The following ITGA4 variants were observed in gnomAD, a reference collection of about 807,000 sequenced individuals.
The protein encoded by ITGA4 is integrin alpha-4.
Under a neutral mutation model 133.6 loss-of-function variants are expected in ITGA4, and 63 were observed. That is an observed-to-expected ratio of 0.47 (90% CI 0.38 to 0.58). The LOEUF is 0.58. Ranked by LOEUF, ITGA4 falls within the 20% of genes least tolerant of loss-of-function variation. The pLI is 0.00. For missense variants in ITGA4, 1,076 were observed against 1,252.7 expected (o/e 0.86, Z 2.13); for synonymous variants, 483 against 438.0 (o/e 1.10, Z -1.28).
In ITGA4 at chr2:181,509,729, T is replaced by TAA; in HGVS notation, c.1769_1770dup (p.Arg591AsnfsTer22). On this transcript the variant is annotated frameshift_variant, in exon 16 of 28. Coordinates refer to ENST00000397033, the MANE Select transcript of ITGA4 (RefSeq NM_000885.6). LOFTEE classifies it high-confidence loss of function. ...ACCACCTTGGTCCTCATGTCATCAG[T>TAA]AAACGAAGTACAGAGGAATTCCCAC... is the stretch of plus-strand genomic sequence containing the variant. 6.2e-7 allele frequency: 1 copy of TAA among 1,611,748 alleles called. No homozygotes were observed. Among genetic ancestry groups the TAA allele is most frequent in the Non-Finnish European group, 8.5e-7 (1 of 1,178,488 alleles).
chr2:181,530,510 TTC>T lies in ITGA4; in HGVS notation c.2539-12_2539-11del, dbSNP rs1346077144. 6.2e-7 allele frequency: 1 copy of T among 1,602,088 alleles called. No individual in the cohort carries two copies. On this transcript the variant is annotated splice_polypyrimidine_tract_variant and intron_variant, in intron 23 of 27. Coordinates refer to ENST00000397033, the MANE Select transcript of ITGA4 (RefSeq NM_000885.6). The stretch of plus-strand genomic sequence containing the variant: ...GTTGAAAGATAAGATTTCTCTTGCT[TTC>T]TGTCTTCATAGACTACTACTGGAGA...
rs1488521854 is a variant in ITGA4, at chr2:181,535,611, G to T, written c.*84G>T. ...AAAGACACTGTTTACAAGAAAAAAT[G>T]AATTTTGTTTGGACTTCTTTTACTC... On this transcript the variant is annotated 3_prime_UTR_variant, in exon 28 of 28. Transcript: ENST00000397033. The T allele has an allele frequency of 6.8e-7, 1 of 1,477,054 alleles. No homozygotes were observed. Among genetic ancestry groups the T allele is most frequent in the East Asian group, 2.3e-5 (1 of 42,766 alleles). 91.5% of individuals were successfully genotyped at this position (1,477,054 alleles called of 1,614,324 possible). A position where few individuals can be genotyped will look rare whatever the true frequency, so the allele number is the denominator to read the frequency against.
intron 2 of ITGA4, chr2:181,458,705 A>C: frequency 4.7e-6 from 1 of 212,590 alleles, no homozygotes; most frequent in Non-Finnish European, 9.8e-6. Context: ...AACCCTCTTA[A>C]AGAACAGGCT....
chr2:181,487,562 T>G (rs1347637872), intron 10 of ITGA4, among the ~76,000 whole-genome samples: 4 of 152,184 alleles, frequency 2.6e-5, no homozygotes, highest in Non-Finnish European at 5.9e-5. Flanking sequence ...AAGTGTGCAG[T>G]TTTAATGTAT....
At chr2:181,524,116 TA>T in intron 19 of ITGA4, 54 bp from the exon 20 acceptor site, 1 of 1,183,450 alleles carries the variant, frequency 8.4e-7, no homozygotes, top group Non-Finnish European at 1.2e-6. Flanking sequence ...ATTCAGATTA[TA>T]AAAAATGTAC....
At chr2:181,509,616 G>A (rs759655287) in intron 15 of ITGA4, 42 bp from the exon 16 acceptor site, 40 of 1,478,180 alleles carry the variant, frequency 2.7e-5, no homozygotes, top group Middle Eastern at 1.8e-4. Flanking sequence ...TTTAATCTAC[G>A]TGCTTGTTTT....
chr2:181,521,041 G>A (rs1471963708), intron 17 of ITGA4, among the ~76,000 whole-genome samples: 1 of 151,918 alleles, frequency 6.6e-6, no homozygotes, highest in African/African-American at 2.4e-5. Context: ...TGATTTGAAT[G>A]ACACAATTTA....
intron 25 of ITGA4, 29 bp from the exon 26 acceptor site, chr2:181,534,243 G>A (rs1215746189): frequency 3.1e-6 from 4 of 1,291,298 alleles, no homozygotes; most frequent in Admixed American, 1.7e-5. Flanking sequence ...AATAAACCAG[G>A]CTATGGTGAT....
At chr2:181,518,695 C>T (rs1686660352) in intron 17 of ITGA4, among the ~76,000 whole-genome samples, 1 of 152,018 alleles carries the variant, frequency 6.6e-6, no homozygotes, top group Non-Finnish European at 1.5e-5. Context: ...TCTGTGTTCT[C>T]ATAGAGCTTT....
intron 2 of ITGA4, chr2:181,459,097 T>A (rs186529389): frequency 6.6e-6 from 1 of 152,350 alleles, no homozygotes; most frequent in East Asian, 1.9e-4. Context: ...CTATATATAT[T>A]GCTTAACTTT....
At chr2:181,525,407 A>AATAATAC in intron 21 of ITGA4, 116 bp downstream of exon 21, 1 of 579,332 alleles carries the variant, frequency 1.7e-6, no homozygotes. Flanking sequence ...AGGATACTCT[A>AATAATAC]TCTTTTAATA....
intron 2 of ITGA4, among the ~76,000 whole-genome samples, chr2:181,474,588 G>A (rs1314443978): frequency 2.0e-5 from 3 of 152,160 alleles, no homozygotes; most frequent in Non-Finnish European, 2.9e-5. Flanking sequence ...AAAGTGCTCT[G>A]ATAATATTGC....
intron 9 of ITGA4, among the ~76,000 whole-genome samples, chr2:181,483,795 G>A (rs576772857): frequency 3.3e-5 from 5 of 152,026 alleles, no homozygotes; most frequent in East Asian, 1.9e-4. Flanking sequence ...CTACATCCTC[G>A]TGCTGCAAAT....
chr2:181,499,764 A>G (rs1372509511), intron 15 of ITGA4, among the ~76,000 whole-genome samples: 1 of 152,204 alleles, frequency 6.6e-6, no homozygotes, highest in Non-Finnish European at 1.5e-5. Context: ...GTAGGAATTA[A>G]AGAGGTTCTT....
In ITGA4 at chr2:181,528,383, G is replaced by A. The variant is rs978836067; in HGVS notation, c.2430+996G>A. On this transcript the variant is annotated intron_variant, in intron 22 of 27. Transcript: ENST00000397033. The stretch of plus-strand genomic sequence containing the variant: ...GATAAACTAAAACAGAAACCAAACC[G>A]GACTCTAGAATGTTTATTTATTAAT... Among the ~76,000 whole-genome samples, 6 of 152,222 alleles carry A rather than the reference G, an allele frequency of 3.9e-5. No homozygotes were observed. In the South Asian group the frequency reaches 1.0e-3, roughly 26 times the overall value.
intron 15 of ITGA4, among the ~76,000 whole-genome samples, chr2:181,503,292 A>G: frequency 6.6e-6 from 1 of 152,142 alleles, no homozygotes; most frequent in East Asian, 1.9e-4. Flanking sequence ...AGTTTAAAAA[A>G]TTATTCTCTT....
At position 181,485,989 on chromosome 2, in the gene ITGA4, G is replaced by T; in HGVS notation, c.1150G>T (p.Glu384Ter). 1 of 1,579,016 alleles carries T rather than the reference G, an allele frequency of 6.3e-7. No individual in the cohort carries two copies. Among genetic ancestry groups the T allele is most frequent in the Non-Finnish European group, 8.6e-7 (1 of 1,169,066 alleles). Residue 384 changes from glutamate (E) to a stop codon, truncating the protein, a stop_gained, in exon 10 of 28, where the codon GAA (glutamate) becomes TAA (stop). Coordinates refer to ENST00000397033, the MANE Select transcript of ITGA4 (RefSeq NM_000885.6). LOFTEE classifies it high-confidence loss of function. ...TGGCGACATTGACAATGATGGCTTT[G>T]AAGGTAATTAAAATTATCAAATTGG... Reference protein sequence around the residue: ...NLGDIDNDGFEDVAIGAPQED... With the variant: ...NLGDIDNDGF
chr2:181,524,733 TAAA>T (rs1686798263), intron 20 of ITGA4, among the ~76,000 whole-genome samples: 1 of 152,112 alleles, frequency 6.6e-6, no homozygotes, highest in Non-Finnish European at 1.5e-5. Flanking sequence ...TCTCTATAAG[TAAA>T]ACTGATTATA....
chr2:181,501,111 T>C (rs1176284157), intron 15 of ITGA4, among the ~76,000 whole-genome samples: 2 of 152,102 alleles, frequency 1.3e-5, no homozygotes, highest in South Asian at 4.1e-4. Flanking sequence ...TAGGGTGTAA[T>C]AGCAACAACA....
Sources: allele counts gnomAD v4.1 joint callset (sites outside exome capture counted in the v4.1 genomes callset), GRCh38; gene constraint gnomAD v4.1.1; transcripts MANE v1.5; gene names NCBI Gene and HGNC (gene_info 2026-07-23, HGNC 2026-07-21).